Variants in MAF observed in about 807,000 individuals in gnomAD.
MAF encodes the protein transcription factor Maf.
Under a neutral mutation model 22.0 loss-of-function variants are expected in MAF, and 10 were observed. That is an observed-to-expected ratio of 0.45 (90% CI 0.28 to 0.77). MAF has a LOEUF of 0.77. Ranked by LOEUF, MAF falls within the 30% of genes least tolerant of loss-of-function variation. MAF has a pLI of 0.12. For missense variants in MAF, 544 were observed against 548.4 expected (o/e 0.99, Z 0.08); for synonymous variants, 337 against 255.8 (o/e 1.32, Z -3.03).
the MAF span, among the ~76,000 whole-genome samples, chr16:79,358,814 T>A: frequency 1.3e-5 from 2 of 152,026 alleles, no homozygotes; most frequent in South Asian, 4.1e-4. Flanking sequence ...ATTCTTGCTC[T>A]GGAGCCCATT....
the MAF span, among the ~76,000 whole-genome samples, chr16:79,443,104 A>G: frequency 6.6e-6 from 1 of 152,098 alleles, no homozygotes; most frequent in Non-Finnish European, 1.5e-5. Flanking sequence ...GGGACTTTTC[A>G]AATAAAGATA....
the MAF span, among the ~76,000 whole-genome samples, chr16:79,406,406 G>T: frequency 6.6e-6 from 1 of 152,286 alleles, no homozygotes; most frequent in East Asian, 1.9e-4. Flanking sequence ...AGTTCTAGAG[G>T]CTGGGAAGTC....
chr16:79,277,447 G>T, the MAF span, among the ~76,000 whole-genome samples: 1 of 152,158 alleles, frequency 6.6e-6, no homozygotes, highest in African/African-American at 2.4e-5. Context: ...GCATCTGTAG[G>T]CTATAAATTG....
At chr16:79,237,594 G>C in the MAF span, among the ~76,000 whole-genome samples, 14 of 152,066 alleles carry the variant, frequency 9.2e-5, no homozygotes, top group African/African-American at 3.1e-4. Context: ...GAAATTCTGA[G>C]TAGGTGAGTT....
the MAF span, among the ~76,000 whole-genome samples, chr16:79,262,171 A>G: frequency 2.0e-5 from 3 of 152,212 alleles, no homozygotes; most frequent in East Asian, 5.8e-4. Flanking sequence ...TGCCACGACA[A>G]CTGTGCAGGA....
the MAF span, among the ~76,000 whole-genome samples, chr16:79,209,357 G>A: frequency 6.6e-6 from 1 of 152,186 alleles, no homozygotes; most frequent in Non-Finnish European, 1.5e-5. Context: ...CATTACAGTA[G>A]GTCATAGTGG....
At chr16:79,574,213 A>G in the MAF span, among the ~76,000 whole-genome samples, 2 of 152,206 alleles carry the variant, frequency 1.3e-5, no homozygotes, top group African/African-American at 4.8e-5. Flanking sequence ...TTTAGAGGAG[A>G]ATCAATGAGT....
At chr16:79,228,846 G>A in the MAF span, among the ~76,000 whole-genome samples, 440 of 152,062 alleles carry the variant, frequency 2.9e-3, 8 homozygotes, top group Admixed American at 0.023. Context: ...TTTAACAGAA[G>A]CCAGAATGGG....
intron 1 of MAF, 69 bp downstream of exon 1, chr16:79,598,716 C>A: frequency 6.2e-7 from 1 of 1,604,076 alleles, no homozygotes; most frequent in Admixed American, 1.7e-5. Flanking sequence ...ACTAGCAAGC[C>A]CACACCCGAG....
the MAF span, among the ~76,000 whole-genome samples, chr16:79,544,977 G>A: frequency 6.6e-6 from 1 of 152,058 alleles, no homozygotes; most frequent in African/African-American, 2.4e-5. Context: ...TGGGGCTTGA[G>A]GTGGTTCTCT....
the MAF span, among the ~76,000 whole-genome samples, chr16:79,493,265 C>A: frequency 5.3e-5 from 8 of 152,112 alleles, no homozygotes; most frequent in African/African-American, 1.2e-4. Flanking sequence ...TCACTACAAC[C>A]TTTGCCTCCT....
the MAF span, among the ~76,000 whole-genome samples, chr16:79,216,300 A>G: frequency 2.8e-3 from 421 of 152,238 alleles, 2 homozygotes; most frequent in Admixed American, 6.2e-3. Context: ...GGCATTATAG[A>G]TGTATAACAC....
the MAF span, among the ~76,000 whole-genome samples, chr16:79,399,690 A>G: frequency 6.6e-6 from 1 of 152,216 alleles, no homozygotes; most frequent in African/African-American, 2.4e-5. Flanking sequence ...GCTAAGAAAC[A>G]TAACCGAGAT....
chr16:79,293,837 AAGAGAGAG>A, the MAF span, among the ~76,000 whole-genome samples: 15,489 of 148,358 alleles, frequency 0.1, 1,207 homozygotes, highest in African/African-American at 0.23. Context: ...TCTAAATGAA[AAGAGAGAG>A]AGAGAGAGAG....
chr16:79,535,582 T>G, the MAF span, among the ~76,000 whole-genome samples: 79,747 of 130,436 alleles, frequency 0.61, 25,506 homozygotes, highest in Non-Finnish European at 0.72. Flanking sequence ...AAGCATTGCT[T>G]CTTCTTTTTT....
the MAF span, among the ~76,000 whole-genome samples, chr16:79,556,163 A>G: frequency 3.9e-5 from 6 of 152,206 alleles, no homozygotes; most frequent in Non-Finnish European, 7.3e-5. Flanking sequence ...CTGATTGTAT[A>G]AGATATTACA....
the MAF span, among the ~76,000 whole-genome samples, chr16:79,460,101 T>G: frequency 2.0e-5 from 3 of 152,194 alleles, no homozygotes; most frequent in Admixed American, 1.3e-4. Context: ...ATCTTTGTAT[T>G]CTGTGAATAC....
the MAF span, among the ~76,000 whole-genome samples, chr16:79,470,408 G>C: frequency 1.3e-4 from 20 of 152,284 alleles, no homozygotes; most frequent in African/African-American, 4.8e-4. Flanking sequence ...ATGGCAACTA[G>C]GGCATGGCAG....
the MAF span, among the ~76,000 whole-genome samples, chr16:79,335,171 G>A: frequency 3.6e-5 from 5 of 139,112 alleles, no homozygotes; most frequent in African/African-American, 8.0e-5. Context: ...GCGACAGAGC[G>A]AGACTCCATC....
Sources: gnomAD v4.1 joint callset for allele counts (sites outside exome capture counted in the v4.1 genomes callset) on GRCh38, gnomAD v4.1.1 for gene constraint, MANE v1.5 for transcripts, NCBI Gene and HGNC (gene_info 2026-07-23, HGNC 2026-07-21) for gene names.